RARB: variants seen among roughly 807,000 people sequenced by gnomAD.
RARB encodes the protein retinoic acid receptor beta, also known as HBV-activated protein.
Under a neutral mutation model 51.9 loss-of-function variants are expected in RARB, and 17 were observed. That is an observed-to-expected ratio of 0.33 (90% CI 0.22 to 0.49). The LOEUF (loss-of-function observed/expected upper bound fraction) is 0.49, where lower values mean the gene tolerates loss of function less well. RARB is among the 20% of genes least tolerant of loss of function. The pLI, the probability that RARB is intolerant of heterozygous loss-of-function variation, is 0.99. For synonymous variants in RARB, 215 were observed against 195.4 expected (o/e 1.10, Z -0.84); for missense variants, 369 against 550.8 (o/e 0.67, Z 3.30).
intron 4 of RARB, among the ~76,000 whole-genome samples, chr3:25,139,540 A>G (rs1700079180): frequency 6.6e-6 from 1 of 151,690 alleles, no homozygotes; most frequent in Non-Finnish European, 1.5e-5. Flanking sequence ...AAGCTGCTGG[A>G]AAAAAAGTTT....
chr3:25,432,972 TTTGAG>T (rs1349301702), intron 1 of RARB, among the ~76,000 whole-genome samples: 4 of 152,220 alleles, frequency 2.6e-5, no homozygotes, highest in African/African-American at 7.2e-5. Context: ...TTCTATACAG[TTTGAG>T]TTATGTGTAA....
intron 2 of RARB, among the ~76,000 whole-genome samples, chr3:24,980,974 C>G (rs62230585): frequency 1.3e-5 from 2 of 151,892 alleles, no homozygotes; most frequent in Non-Finnish European, 2.9e-5. Flanking sequence ...TTTGTTGATG[C>G]TGATGCTATT....
intron 4 of RARB, among the ~76,000 whole-genome samples, chr3:25,166,564 T>C (rs544521747): frequency 6.6e-6 from 1 of 152,362 alleles, no homozygotes; most frequent in South Asian, 2.1e-4. Context: ...GAATTTGTTG[T>C]ACTCTATCAC....
At chr3:25,342,383 C>T (rs1705256029) in intron 5 of RARB, among the ~76,000 whole-genome samples, 1 of 152,110 alleles carries the variant, frequency 6.6e-6, no homozygotes, top group African/African-American at 2.4e-5. Flanking sequence ...GGAGTTGAAC[C>T]AGGATTGATC....
At chr3:25,108,717 T>A (rs1699552029) in intron 3 of RARB, among the ~76,000 whole-genome samples, 1 of 152,014 alleles carries the variant, frequency 6.6e-6, no homozygotes, top group Non-Finnish European at 1.5e-5. Flanking sequence ...TCCAAAGCTA[T>A]TTTTTCTTGA....
intron 3 of RARB, among the ~76,000 whole-genome samples, chr3:25,062,134 CAATA>C (rs1459933360): frequency 6.6e-6 from 1 of 151,362 alleles, no homozygotes; most frequent in African/African-American, 2.4e-5. Flanking sequence ...GTGTTTATAT[CAATA>C]AATCCATTAA....
intron 2 of RARB, among the ~76,000 whole-genome samples, chr3:24,892,680 A>G (rs1334899208): frequency 1.3e-5 from 2 of 152,220 alleles, no homozygotes; most frequent in African/African-American, 4.8e-5. Flanking sequence ...AAGGAATCCT[A>G]AAAGTATTTT....
At chr3:25,266,849 G>A (rs376839428) in intron 5 of RARB, among the ~76,000 whole-genome samples, 4 of 152,310 alleles carry the variant, frequency 2.6e-5, no homozygotes, top group African/African-American at 9.6e-5. Flanking sequence ...AGCCTCACCA[G>A]AATCTGACCA....
intron 2 of RARB, among the ~76,000 whole-genome samples, chr3:25,031,359 C>A (rs1697871084): frequency 6.6e-6 from 1 of 152,130 alleles, no homozygotes; most frequent in African/African-American, 2.4e-5. Flanking sequence ...TAGAGCAGGT[C>A]CCAAACTAGT....
chr3:24,932,744 A>G (rs1382722243), intron 2 of RARB, among the ~76,000 whole-genome samples: 2 of 152,128 alleles, frequency 1.3e-5, no homozygotes, highest in African/African-American at 4.8e-5. Context: ...TGGCCAGGAA[A>G]ACAGTATTTA....
chr3:25,004,582 T>C (rs1697230802), intron 2 of RARB, among the ~76,000 whole-genome samples: 1 of 152,262 alleles, frequency 6.6e-6, no homozygotes, highest in South Asian at 2.1e-4. Flanking sequence ...CACCTCTTAA[T>C]GGTCTCACCT....
chr3:25,404,501 A>G (rs1037410972), intron 5 of RARB, among the ~76,000 whole-genome samples: 10 of 152,204 alleles, frequency 6.6e-5, no homozygotes, highest in African/African-American at 1.2e-4. Context: ...ATGTGATTCT[A>G]GGGAATAAAT....
chr3:25,014,098 A>C (rs1050666354), intron 2 of RARB, among the ~76,000 whole-genome samples: 23 of 152,116 alleles, frequency 1.5e-4, no homozygotes, highest in Admixed American at 5.2e-4. Flanking sequence ...TCAAGCAGAA[A>C]TAGAACACTT....
rs530013524 is a variant in RARB, at chr3:25,112,459, A to G, written c.-327-19702A>G. ...TTGTTTTTTCTCATTGTTATAGAGT[A>G]TTAAATAACAATACTTCCTTATAAA... On this transcript the variant is annotated intron_variant, in intron 3 of 11. Transcript: ENST00000383772. 2.6e-5 allele frequency among the ~76,000 whole-genome samples: 4 copies of G among 152,286 alleles called. No homozygotes were observed. The East Asian group carries it at 7.7e-4, about 29-fold the overall frequency.
intron 5 of RARB, among the ~76,000 whole-genome samples, chr3:25,197,226 T>G (rs1701266048): frequency 6.6e-6 from 1 of 152,178 alleles, no homozygotes; most frequent in Non-Finnish European, 1.5e-5. Flanking sequence ...TTAATCAATC[T>G]TGAATTAATT....
chr3:25,021,919 A>C (rs1697647206), intron 2 of RARB, among the ~76,000 whole-genome samples: 1 of 152,148 alleles, frequency 6.6e-6, no homozygotes, highest in South Asian at 2.1e-4. Flanking sequence ...AATTTATCAA[A>C]TATTTGATAA....
chr3:25,371,847 G>A (rs1706310265), intron 5 of RARB, among the ~76,000 whole-genome samples: 1 of 152,226 alleles, frequency 6.6e-6, no homozygotes. Flanking sequence ...AGTCATAAAT[G>A]CGAAAATAAA....
At chr3:25,348,890 C>T (rs1705476065) in intron 5 of RARB, among the ~76,000 whole-genome samples, 1 of 152,114 alleles carries the variant, frequency 6.6e-6, no homozygotes, top group African/African-American at 2.4e-5. Context: ...GATGAGTTTC[C>T]ATATGAAGCC....
intron 2 of RARB, among the ~76,000 whole-genome samples, chr3:25,032,952 C>T (rs1166034096): frequency 6.6e-6 from 1 of 152,192 alleles, no homozygotes; most frequent in Admixed American, 6.5e-5. Flanking sequence ...AACCCATAAG[C>T]AGTACTCAGT....
Sources: allele counts gnomAD v4.1 joint callset (sites outside exome capture counted in the v4.1 genomes callset), GRCh38; gene constraint gnomAD v4.1.1; transcripts MANE v1.5; gene names NCBI Gene and HGNC (gene_info 2026-07-23, HGNC 2026-07-21).